DENND1B: variants seen among roughly 807,000 people sequenced by gnomAD.
DENND1B encodes the protein DENN domain-containing protein 1B.
DENND1B carries 59 observed loss-of-function variants against 90.1 expected under a neutral mutation model. That is an observed-to-expected ratio of 0.65 (90% confidence interval 0.53 to 0.81). DENND1B has a LOEUF of 0.81. DENND1B is among the 40% of genes least tolerant of loss of function. DENND1B has a pLI of 0.00. For missense variants in DENND1B, 862 were observed against 912.6 expected, an observed-to-expected ratio of 0.94 and a Z score of 0.71; for synonymous variants, 337 against 324.6, an observed-to-expected ratio of 1.04 and a Z score of -0.41.
chr1:197,530,186 G>T lies in DENND1B; in HGVS notation c.1515+9778C>A, dbSNP rs536723409. Among the ~76,000 whole-genome samples, 3 of 152,282 alleles carry T rather than the reference G, an allele frequency of 2.0e-5. No homozygotes were observed. In the Middle Eastern group the frequency reaches 0.01, roughly 518 times the overall value. On this transcript the variant is annotated intron_variant, in intron 20 of 22. Transcript: ENST00000620048. ...AGATAAGCTAAATAATGGAAAACAG[G>T]TTTAAAACACAGGCTTAGAACTTTG...
At chr1:197,693,849 C>CTATG (rs1558410295) in intron 3 of DENND1B, among the ~76,000 whole-genome samples, 1 of 151,466 alleles carries the variant, frequency 6.6e-6, no homozygotes, top group Non-Finnish European at 1.5e-5. Context: ...ACATCCAGAA[C>CTATG]TATGGCCTAC....
At chr1:197,605,367 C>T (rs1339131448) in intron 13 of DENND1B, 1 of 150,886 alleles carries the variant, frequency 6.6e-6, no homozygotes, top group Non-Finnish European at 1.5e-5. Flanking sequence ...AAAAAAGAAT[C>T]ACCCATCAAA....
chr1:197,659,291 T>C (rs935879835), intron 5 of DENND1B, among the ~76,000 whole-genome samples: 4 of 151,774 alleles, frequency 2.6e-5, no homozygotes, highest in Non-Finnish European at 5.9e-5. Flanking sequence ...AAAAAAAGAA[T>C]TCTAACAGGA....
chr1:197,674,075 T>C (rs370700064), intron 4 of DENND1B, 45 bp downstream of exon 4: 95 of 1,293,224 alleles, frequency 7.3e-5, no homozygotes, highest in Middle Eastern at 3.7e-4. Context: ...TTCAAGTATG[T>C]ACTATAAGAA....
At chr1:197,732,276 T>A (rs1158608119) in intron 2 of DENND1B, among the ~76,000 whole-genome samples, 1 of 152,210 alleles carries the variant, frequency 6.6e-6, no homozygotes, top group Admixed American at 6.5e-5. Flanking sequence ...GCACAACAGC[T>A]CACCACCCAT....
intron 10 of DENND1B, among the ~76,000 whole-genome samples, chr1:197,633,829 T>C (rs1679546525): frequency 6.6e-6 from 1 of 152,152 alleles, no homozygotes; most frequent in African/African-American, 2.4e-5. Context: ...CTTCCCTTTG[T>C]TAGTTTTTTA....
chr1:197,529,318 A>G (rs1303023465), intron 20 of DENND1B, among the ~76,000 whole-genome samples: 2 of 146,956 alleles, frequency 1.4e-5, no homozygotes, highest in Non-Finnish European at 3.0e-5. Flanking sequence ...ATGTATATAT[A>G]TGTGTGTATA....
At chr1:197,619,681 C>T (rs1417283016) in intron 10 of DENND1B, among the ~76,000 whole-genome samples, 1 of 151,222 alleles carries the variant, frequency 6.6e-6, no homozygotes, top group African/African-American at 2.4e-5. Flanking sequence ...GTCCAAAGCA[C>T]TCTACTAAAT....
At position 197,665,058 on chromosome 1, in the gene DENND1B, A is replaced by G. The variant is rs193132986; in HGVS notation, c.297-6689T>C. 2.4e-4 allele frequency among the ~76,000 whole-genome samples: 37 copies of G among 152,296 alleles called. 1 individual carries two copies. In the East Asian group the frequency reaches 6.0e-3, roughly 25 times the overall value. Reference sequence around the variant, plus strand: ...AGATTTAAATTAGTAATATCTCAGGATATTTTTGAAATCTTGTTAAAAGTA... The same window carrying G: ...AGATTTAAATTAGTAATATCTCAGGGTATTTTTGAAATCTTGTTAAAAGTA... On this transcript the variant is annotated intron_variant, in intron 5 of 22. Coordinates refer to ENST00000620048, the MANE Select transcript of DENND1B (RefSeq NM_001195215.2).
intron 2 of DENND1B, among the ~76,000 whole-genome samples, chr1:197,723,893 C>T (rs554326167): frequency 6.6e-6 from 1 of 151,986 alleles, no homozygotes; most frequent in Non-Finnish European, 1.5e-5. Flanking sequence ...ACTCATTATA[C>T]TTAACTCTTT....
intron 3 of DENND1B, among the ~76,000 whole-genome samples, chr1:197,676,387 G>A (rs1656078450): frequency 6.6e-6 from 1 of 151,868 alleles, no homozygotes; most frequent in Non-Finnish European, 1.5e-5. Context: ...TGTGAAGGCT[G>A]GTATTTTCAC....
chr1:197,526,448 CAA>C (rs1229849192), intron 20 of DENND1B, among the ~76,000 whole-genome samples: 1 of 151,802 alleles, frequency 6.6e-6, no homozygotes, highest in Non-Finnish European at 1.5e-5. Context: ...GGAAAAAAAA[CAA>C]AGTCAAATAG....
At chr1:197,626,192 T>G (rs1678695961) in intron 10 of DENND1B, among the ~76,000 whole-genome samples, 1 of 151,854 alleles carries the variant, frequency 6.6e-6, no homozygotes, top group Admixed American at 6.6e-5. Flanking sequence ...TCTACAGAAC[T>G]CTCCACCCCA....
intron 5 of DENND1B, among the ~76,000 whole-genome samples, chr1:197,659,301 AT>A (rs1474754469): frequency 2.0e-5 from 3 of 151,732 alleles, no homozygotes; most frequent in Middle Eastern, 3.8e-3. Flanking sequence ...TTCTAACAGG[AT>A]TTTTTTTCAT....
intron 11 of DENND1B, among the ~76,000 whole-genome samples, chr1:197,615,727 C>T (rs1677587400): frequency 6.6e-6 from 1 of 150,836 alleles, no homozygotes; most frequent in Admixed American, 6.6e-5. Flanking sequence ...TATTATATTA[C>T]TCCGTTCCTA....
At chr1:197,646,047 A>G (rs1207897824) in intron 8 of DENND1B, among the ~76,000 whole-genome samples, 2 of 151,918 alleles carry the variant, frequency 1.3e-5, no homozygotes, top group East Asian at 3.8e-4. Context: ...TATTTTGTAC[A>G]TATATACATA....
intron 2 of DENND1B, among the ~76,000 whole-genome samples, chr1:197,726,695 C>T (rs1661668616): frequency 6.6e-6 from 1 of 152,100 alleles, no homozygotes; most frequent in South Asian, 2.1e-4. Context: ...TGGAGGGCCA[C>T]AGAAATACTA....
intron 20 of DENND1B, among the ~76,000 whole-genome samples, chr1:197,535,849 T>C (rs1669837690): frequency 6.6e-6 from 1 of 152,200 alleles, no homozygotes; most frequent in Non-Finnish European, 1.5e-5. Context: ...AACTGGATTC[T>C]AGAATTATTA....
intron 3 of DENND1B, among the ~76,000 whole-genome samples, chr1:197,683,627 G>C (rs1311574051): frequency 2.0e-5 from 3 of 152,110 alleles, no homozygotes; most frequent in African/African-American, 7.2e-5. Context: ...AAAGCAGTAA[G>C]AGATATTAGT....
Sources: gnomAD v4.1 joint callset for allele counts (sites outside exome capture counted in the v4.1 genomes callset) on GRCh38, gnomAD v4.1.1 for gene constraint, MANE v1.5 for transcripts, NCBI Gene and HGNC (gene_info 2026-07-23, HGNC 2026-07-21) for gene names.